EGFLAM: variants seen among roughly 807,000 people sequenced by gnomAD.
The protein encoded by EGFLAM is pikachurin.
Under a neutral mutation model 113.1 loss-of-function variants are expected in EGFLAM, and 79 were observed. That is an observed-to-expected ratio of 0.70 (90% CI 0.58 to 0.84). EGFLAM has a LOEUF of 0.84. EGFLAM is among the 40% of genes least tolerant of loss of function. EGFLAM has a pLI of 0.00. For synonymous variants in EGFLAM, 504 were observed against 487.6 expected (o/e 1.03, Z -0.44); for missense variants, 1,265 against 1,291.6 (o/e 0.98, Z 0.32).
chr5:38,285,888 C>T (rs1327007696), intron 1 of EGFLAM: 3 of 152,076 alleles, frequency 2.0e-5, no homozygotes, highest in African/African-American at 7.2e-5. Context: ...CAATCACCTC[C>T]GTCCCACAAC....
At chr5:38,270,930 A>C (rs562583440) in intron 1 of EGFLAM, among the ~76,000 whole-genome samples, 1 of 152,354 alleles carries the variant, frequency 6.6e-6, no homozygotes, top group South Asian at 2.1e-4. Context: ...TATTGACAAC[A>C]TTGACATAAA....
intron 1 of EGFLAM, among the ~76,000 whole-genome samples, chr5:38,296,801 T>C (rs1053006686): frequency 1.3e-5 from 2 of 152,126 alleles, no homozygotes. Flanking sequence ...GACATCACTT[T>C]ATTCCAGTGA....
intron 6 of EGFLAM, among the ~76,000 whole-genome samples, chr5:38,373,287 C>T (rs1354755102): frequency 1.3e-5 from 2 of 152,144 alleles, no homozygotes; most frequent in Non-Finnish European, 2.9e-5. Context: ...AGGATTTGAA[C>T]GTGGGTTTGG....
rs1741952468 is a variant in EGFLAM at position 38,425,031 on chromosome 5, C to T, written c.1749C>T (p.Ile583=). The change falls in exon 13 of 22, where the codon ATC becomes ATT. Residue 583 remains isoleucine (I), a synonymous_variant. Transcript: ENST00000322350. ...SCIHGGTCTA[I]KADSYICLCP... ...TCCATGGTGGCACCTGCACAGCAAT[C>T]AAAGCCGACTCCTACATTTGCCTCT... The T allele has an allele frequency of 1.9e-6, 3 of 1,614,074 alleles. No individual in the cohort carries two copies. Among genetic ancestry groups the T allele is most frequent in the Non-Finnish European group, 2.5e-6 (3 of 1,180,000 alleles).
chr5:38,351,800 T>TA (rs560484441), intron 4 of EGFLAM, among the ~76,000 whole-genome samples: 193 of 152,262 alleles, frequency 1.3e-3, no homozygotes, highest in Non-Finnish European at 2.0e-3. Context: ...TGAAGGTAAA[T>TA]ATCAGTTCTG....
At chr5:38,304,054 G>A (rs1160049928) in intron 1 of EGFLAM, among the ~76,000 whole-genome samples, 2 of 151,760 alleles carry the variant, frequency 1.3e-5, no homozygotes, top group Non-Finnish European at 2.9e-5. Flanking sequence ...GCTTGAACCT[G>A]GGAGGCGAAG....
chr5:38,428,971 T>C (rs1013982320), intron 14 of EGFLAM, among the ~76,000 whole-genome samples: 2 of 152,204 alleles, frequency 1.3e-5, no homozygotes, highest in Non-Finnish European at 2.9e-5. Context: ...CTAACAACAG[T>C]GATTACTCTT....
chr5:38,415,870 C>G (rs1034994825), intron 11 of EGFLAM, among the ~76,000 whole-genome samples: 1 of 151,934 alleles, frequency 6.6e-6, no homozygotes, highest in Non-Finnish European at 1.5e-5. Context: ...GCTGGGCAAA[C>G]GGGGAAAAGC....
At chr5:38,380,302 T>C (rs1221151274) in intron 6 of EGFLAM, among the ~76,000 whole-genome samples, 1 of 152,210 alleles carries the variant, frequency 6.6e-6, no homozygotes, top group Non-Finnish European at 1.5e-5. Flanking sequence ...TTTTAAGGAA[T>C]CAATTAGCAC....
intron 6 of EGFLAM, among the ~76,000 whole-genome samples, chr5:38,391,003 A>G (rs2932111): frequency 0.4 from 60,519 of 152,046 alleles, 15,980 homozygotes; most frequent in African/African-American, 0.76. Flanking sequence ...ATTCAATGTA[A>G]TTAAACATCT....
In EGFLAM at chr5:38,451,440, A is replaced by T. The variant is rs749155710; in HGVS notation, c.2669A>T (p.Asp890Val). 6 of 1,614,174 alleles carry T rather than the reference A, an allele frequency of 3.7e-6. No individual in the cohort carries two copies. The highest frequency in any genetic ancestry group is 1.1e-5 in the South Asian group (1 of 91,080). ...NSDFISLGLR[D>V]GALVFSYNLG... Reference sequence around the variant, plus strand: ...GACTTCATTTCCTTGGGCCTTCGGGATGGAGCCCTCGTGTTCAGGTAACCC... The same window carrying T: ...GACTTCATTTCCTTGGGCCTTCGGGTTGGAGCCCTCGTGTTCAGGTAACCC... Residue 890 changes from aspartate (D) to valine (V), a missense_variant, in exon 19 of 22, where the codon GAT (aspartate) becomes GTT (valine). Coordinates refer to ENST00000322350, the MANE Select transcript of EGFLAM (RefSeq NM_152403.4).
intron 1 of EGFLAM, among the ~76,000 whole-genome samples, chr5:38,317,685 C>T (rs1302910906): frequency 2.0e-5 from 3 of 152,210 alleles, no homozygotes; most frequent in Admixed American, 1.3e-4. Flanking sequence ...AATGTCAACC[C>T]TTTTGTACTA....
chr5:38,264,236 T>C (rs1346757228), intron 1 of EGFLAM, among the ~76,000 whole-genome samples: 1 of 152,106 alleles, frequency 6.6e-6, no homozygotes, highest in Non-Finnish European at 1.5e-5. Context: ...TTGCCTGAGG[T>C]CCCAGGGTCA....
At chr5:38,339,007 T>C (rs946198119) in intron 3 of EGFLAM, among the ~76,000 whole-genome samples, 3 of 152,224 alleles carry the variant, frequency 2.0e-5, no homozygotes, top group African/African-American at 7.2e-5. Flanking sequence ...AACGCTTCCA[T>C]CCTGGACTCA....
intron 5 of EGFLAM, among the ~76,000 whole-genome samples, chr5:38,368,703 G>A (rs1051884215): frequency 2.0e-5 from 3 of 152,026 alleles, no homozygotes; most frequent in African/African-American, 7.3e-5. Context: ...ATGGGGAATC[G>A]TCTGCCGCCC....
intron 1 of EGFLAM, 45 bp downstream of exon 1, chr5:38,258,896 T>C (rs772731339): frequency 6.3e-7 from 1 of 1,576,246 alleles, no homozygotes; most frequent in African/African-American, 1.4e-5. Context: ...CGAGCGCCCC[T>C]GCTGGGCTCC....
chr5:38,333,337 G>T (rs1254454278), intron 1 of EGFLAM, among the ~76,000 whole-genome samples: 1 of 152,124 alleles, frequency 6.6e-6, no homozygotes, highest in East Asian at 1.9e-4. Flanking sequence ...TTGCTGGGTC[G>T]AATGGTACTT....
intron 6 of EGFLAM, among the ~76,000 whole-genome samples, chr5:38,386,882 A>G (rs529420392): frequency 6.6e-6 from 1 of 152,330 alleles, no homozygotes; most frequent in African/African-American, 2.4e-5. Context: ...AATCCAGTCC[A>G]GTGCATAGAC....
intron 1 of EGFLAM, among the ~76,000 whole-genome samples, chr5:38,276,487 T>G (rs899171190): frequency 6.6e-6 from 1 of 151,980 alleles, no homozygotes; most frequent in African/African-American, 2.4e-5. Context: ...AAGATATCAA[T>G]TAAATAATCT....
Sources: allele counts gnomAD v4.1 joint callset (sites outside exome capture counted in the v4.1 genomes callset), GRCh38; gene constraint gnomAD v4.1.1; transcripts MANE v1.5; gene names NCBI Gene and HGNC (gene_info 2026-07-23, HGNC 2026-07-21).